Variants in MAGEC3 observed in about 807,000 individuals in gnomAD.
The protein encoded by MAGEC3 is melanoma-associated antigen C3.
A neutral mutation model predicts 35.3 loss-of-function variants in MAGEC3; 34 were observed. The ratio of observed to expected loss-of-function variants is 0.96; its 90% CI spans 0.73 to 1.28. The LOEUF (loss-of-function observed/expected upper bound fraction) is 1.28. Among genes scored for constraint, MAGEC3 ranks in the 50% most tolerant of loss-of-function variants. MAGEC3 has a pLI of 0.00. For missense variants in MAGEC3, 561 were observed against 483.6 expected, an observed-to-expected ratio of 1.16 and a Z score of -1.50; for synonymous variants, 202 against 185.6, an observed-to-expected ratio of 1.09 and a Z score of -0.72.
rs1184930555 is a variant in MAGEC3, at chrX:141,885,849, A to G, written c.909+4053A>G. On this transcript the variant is annotated intron_variant, in intron 4 of 7. Coordinates refer to ENST00000298296, the MANE Select transcript of MAGEC3 (RefSeq NM_138702.1). The stretch of plus-strand genomic sequence containing the variant: ...GGCTGGAGTGGATTAGTCATTTTAG[A>G]CCTACTCATCCCAGCTGAGAGGGTC... Among the ~76,000 whole-genome samples the G allele has an allele frequency of 2.7e-5, 3 of 109,666 alleles. No homozygotes were observed. In the Admixed American group the frequency reaches 2.9e-4, roughly 11 times the overall value.
At chrX:141,869,396 A>T (rs2017873243) in intron 2 of MAGEC3, among the ~76,000 whole-genome samples, 1 of 112,306 alleles carries the variant, frequency 8.9e-6, no homozygotes, top group Admixed American at 9.4e-5. Context: ...CTTTAAATTC[A>T]CTTTACAGGA....
chrX:141,853,372 C>G lies in MAGEC3; in HGVS notation c.124-12099C>G, dbSNP rs188340012. On this transcript the variant is annotated intron_variant, in intron 1 of 7. Coordinates refer to ENST00000298296, the MANE Select transcript of MAGEC3 (RefSeq NM_138702.1). ...TTGAAGTAAATGTCTACTGGAAAAC[C>G]AAACTCCGGGGAGTATTTTGGTGCA... 2.4e-3 allele frequency among the ~76,000 whole-genome samples: 264 copies of G among 111,030 alleles called. 1 individual carries two copies. Among genetic ancestry groups the G allele is most frequent in the African/African-American group, 8.3e-3 (254 of 30,588 alleles).
intron 1 of MAGEC3, among the ~76,000 whole-genome samples, chrX:141,843,114 C>G (rs2017695721): frequency 8.9e-6 from 1 of 112,335 alleles, no homozygotes; most frequent in Non-Finnish European, 1.9e-5. Context: ...AACGCTTTAT[C>G]ATGTAAATGA....
chrX:141,847,219 C>T (rs1320567832), intron 1 of MAGEC3, among the ~76,000 whole-genome samples: 1 of 110,744 alleles, frequency 9.0e-6, no homozygotes, highest in East Asian at 2.8e-4. Context: ...GAGAGGAGAA[C>T]AAGCACTTGT....
intron 5 of MAGEC3, 32 bp downstream of exon 5, chrX:141,895,439 C>G (rs372595453): frequency 8.3e-7 from 1 of 1,210,630 alleles, no homozygotes; most frequent in South Asian, 1.8e-5. Flanking sequence ...TGAGGGACTT[C>G]GCACCAAGGA....
chrX:141,875,434 C>G (rs753581102), intron 2 of MAGEC3, among the ~76,000 whole-genome samples: 1 of 111,527 alleles, frequency 9.0e-6, no homozygotes, highest in African/African-American at 3.3e-5. Context: ...TCCCCCAAAC[C>G]TGTGCGCAAA....
At chrX:141,880,281 C>A (rs1417103333) in intron 3 of MAGEC3, among the ~76,000 whole-genome samples, 2 of 111,477 alleles carry the variant, frequency 1.8e-5, no homozygotes, top group African/African-American at 6.6e-5. Context: ...CTCACTACCT[C>A]CCACTGCTCT....
intron 2 of MAGEC3, among the ~76,000 whole-genome samples, chrX:141,874,608 C>A (rs1267813160): frequency 1.8e-5 from 2 of 111,102 alleles, no homozygotes; most frequent in African/African-American, 6.5e-5. Context: ...TGATTAGCAT[C>A]TTATGTCACT....
At chrX:141,876,806 C>G (rs2017922474) in intron 2 of MAGEC3, among the ~76,000 whole-genome samples, 2 of 112,098 alleles carry the variant, frequency 1.8e-5, no homozygotes, top group African/African-American at 6.5e-5. Flanking sequence ...GTCTCCTGTT[C>G]TAAAGCTGCA....
intron 1 of MAGEC3, among the ~76,000 whole-genome samples, chrX:141,850,294 T>TAGGATCTATACTCCAA (rs2017742991): frequency 9.1e-6 from 1 of 110,488 alleles, no homozygotes; most frequent in African/African-American, 3.3e-5. Context: ...ACTTGGGTGA[T>TAGGATCTATACTCCAA]AGGATCTATA....
intron 4 of MAGEC3, among the ~76,000 whole-genome samples, chrX:141,892,274 C>T (rs1245312462): frequency 8.9e-6 from 1 of 111,790 alleles, no homozygotes; most frequent in African/African-American, 3.3e-5. Context: ...GTTAATAAAT[C>T]TATCTTACTT....
chrX:141,847,156 T>C (rs2017722142), intron 1 of MAGEC3, among the ~76,000 whole-genome samples: 1 of 111,144 alleles, frequency 9.0e-6, no homozygotes, highest in Admixed American at 9.6e-5. Context: ...TTCTGTACTC[T>C]AGTGATTTCC....
intron 1 of MAGEC3, among the ~76,000 whole-genome samples, chrX:141,860,398 A>C (rs2017808032): frequency 8.9e-6 from 1 of 112,521 alleles, no homozygotes; most frequent in Non-Finnish European, 1.9e-5. Flanking sequence ...ATGGTTTCAC[A>C]AAAAATTAAA....
chrX:141,840,441 T>A (rs1439092477), intron 1 of MAGEC3, among the ~76,000 whole-genome samples: 1 of 112,232 alleles, frequency 8.9e-6, no homozygotes, highest in East Asian at 2.8e-4. Context: ...TTTGCATTTT[T>A]CAAAAGTATA....
intron 4 of MAGEC3, among the ~76,000 whole-genome samples, chrX:141,885,537 C>T (rs1219390408): frequency 1.4e-4 from 15 of 107,545 alleles, no homozygotes; most frequent in South Asian, 4.3e-4. Context: ...TCGTGGTGCG[C>T]GCCTGTAATC....
intron 4 of MAGEC3, among the ~76,000 whole-genome samples, chrX:141,889,022 G>A (rs1178013693): frequency 8.9e-6 from 1 of 112,157 alleles, no homozygotes; most frequent in East Asian, 2.8e-4. Context: ...CACCGTCATG[G>A]TATTCCACAC....
chrX:141,851,288 T>C (rs991301542), intron 1 of MAGEC3, among the ~76,000 whole-genome samples: 1 of 110,218 alleles, frequency 9.1e-6, no homozygotes, highest in Non-Finnish European at 1.9e-5. Context: ...TGAAAATGAT[T>C]GTCTTTAGAG....
intron 1 of MAGEC3, among the ~76,000 whole-genome samples, chrX:141,851,444 A>G (rs943652942): frequency 1.8e-5 from 2 of 110,587 alleles, no homozygotes; most frequent in Non-Finnish European, 3.8e-5. Flanking sequence ...AGTTTGTCTT[A>G]TGTGGGTTGT....
rs200668669 is a variant in MAGEC3 at position 141,879,374 on chromosome X, C to A, written c.458C>A (p.Thr153Asn). 1 of 1,171,807 alleles carries A rather than the reference C, an allele frequency of 8.5e-7. No individual in the cohort carries two copies. Among genetic ancestry groups the A allele is most frequent in the African/African-American group, 2.4e-5 (1 of 41,281 alleles). Residue 153 changes from threonine to asparagine, a missense_variant, in exon 3 of 8, where the codon ACC (threonine) becomes AAC (asparagine). Thr to Asn is a moderately conservative substitution (Grantham distance 65, BLOSUM62 0). Coordinates refer to ENST00000298296, the MANE Select transcript of MAGEC3 (RefSeq NM_138702.1). Reference sequence around the variant, plus strand: ...ACATGGAGGAGAGGCACAGGCTACACCCTTTCCCTTCCTGCCGTCAGCCCT... The same window carrying A: ...ACATGGAGGAGAGGCACAGGCTACAACCTTTCCCTTCCTGCCGTCAGCCCT... ...LPTWRRGTGY[T>N]LSLPAVSPGK...
Sources: gnomAD v4.1 joint callset for allele counts (sites outside exome capture counted in the v4.1 genomes callset) on GRCh38, gnomAD v4.1.1 for gene constraint, MANE v1.5 for transcripts, NCBI Gene and HGNC (gene_info 2026-07-23, HGNC 2026-07-21) for gene names.